ARHGEF3: variants seen among roughly 807,000 people sequenced by gnomAD.
The protein encoded by ARHGEF3 is Rho guanine nucleotide exchange factor 3, also known as 59.8 kDA protein.
ARHGEF3 carries 28 observed loss-of-function variants against 63.2 expected under a neutral mutation model. The observed-to-expected ratio is 0.44, with a 90% confidence interval of 0.33 to 0.61. The LOEUF is 0.61. ARHGEF3 is among the 20% of genes least tolerant of loss of function. The probability of loss-of-function intolerance (pLI) is 0.03; values close to 1 mark genes in which losing one functional copy is unlikely to be tolerated. For missense variants in ARHGEF3, 533 were observed against 659.3 expected (o/e 0.81, Z 2.10); for synonymous variants, 266 against 254.2 (o/e 1.05, Z -0.44).
intron 4 of ARHGEF3, among the ~76,000 whole-genome samples, chr3:56,845,166 A>G (rs2039445748): frequency 6.6e-6 from 1 of 152,158 alleles, no homozygotes; most frequent in African/African-American, 2.4e-5. Context: ...AAGTTTGGAA[A>G]CAGACCCTTC....
At chr3:56,973,238 C>T (rs1203713236) in intron 2 of ARHGEF3, among the ~76,000 whole-genome samples, 2 of 152,030 alleles carry the variant, frequency 1.3e-5, no homozygotes, top group Non-Finnish European at 2.9e-5. Context: ...AGGCTGGTCT[C>T]GATCTCCTGA....
intron 3 of ARHGEF3, among the ~76,000 whole-genome samples, chr3:56,890,109 G>C (rs72870528): frequency 0.029 from 4,358 of 152,180 alleles, 220 homozygotes; most frequent in African/African-American, 0.098. Flanking sequence ...AATCATATGT[G>C]TTTTAAAACA....
intron 2 of ARHGEF3, among the ~76,000 whole-genome samples, chr3:57,004,252 CAGTCTGG>C (rs1489405127): frequency 2.0e-5 from 3 of 152,208 alleles, no homozygotes; most frequent in African/African-American, 7.2e-5. Context: ...GAGATAATGA[CAGTCTGG>C]AGCCACTTAT....
chr3:57,014,240 C>G (rs1309171980), intron 2 of ARHGEF3, among the ~76,000 whole-genome samples: 1 of 152,162 alleles, frequency 6.6e-6, no homozygotes, highest in African/African-American at 2.4e-5. Context: ...GGAACAAACT[C>G]CGGACACACC....
chr3:56,756,104 G>A (rs958308096), intron 2 of ARHGEF3, among the ~76,000 whole-genome samples: 3 of 152,186 alleles, frequency 2.0e-5, no homozygotes, highest in Non-Finnish European at 2.9e-5. Context: ...CAAAGAGGCC[G>A]CAGAAGTCCA....
intron 1 of ARHGEF3, among the ~76,000 whole-genome samples, chr3:57,070,376 CA>C (rs542378791): frequency 2.7e-4 from 41 of 152,234 alleles, no homozygotes; most frequent in Non-Finnish European, 5.1e-4. Context: ...TTACTTTCTT[CA>C]AAAAGGAAAG....
At chr3:57,013,244 G>A (rs1428839618) in intron 2 of ARHGEF3, among the ~76,000 whole-genome samples, 1 of 152,220 alleles carries the variant, frequency 6.6e-6, no homozygotes, top group Non-Finnish European at 1.5e-5. Flanking sequence ...AAGGGCTGAG[G>A]AGTACAGGCA....
At chr3:57,071,894 A>G (rs942511339) in intron 1 of ARHGEF3, among the ~76,000 whole-genome samples, 5 of 152,234 alleles carry the variant, frequency 3.3e-5, no homozygotes, top group Non-Finnish European at 5.9e-5. Flanking sequence ...TGAACTCAGA[A>G]TATATAAAGA....
At chr3:56,870,725 G>C (rs562950399) in intron 4 of ARHGEF3, among the ~76,000 whole-genome samples, 1 of 152,024 alleles carries the variant, frequency 6.6e-6, no homozygotes, top group Non-Finnish European at 1.5e-5. Context: ...ATCGACTTGG[G>C]GGCATATGGG....
At chr3:56,921,300 C>G (rs938149912) in intron 3 of ARHGEF3, among the ~76,000 whole-genome samples, 6 of 150,056 alleles carry the variant, frequency 4.0e-5, no homozygotes, top group African/African-American at 1.2e-4. Flanking sequence ...TGCACACTGG[C>G]TTACCCAAGG....
At chr3:57,059,888 C>G (rs1011342693) in intron 1 of ARHGEF3, among the ~76,000 whole-genome samples, 1 of 152,022 alleles carries the variant, frequency 6.6e-6, no homozygotes, top group Non-Finnish European at 1.5e-5. Context: ...CCCAGCTACT[C>G]GGGAGGCTGA....
At chr3:56,768,667 CAA>C (rs770390697) in intron 2 of ARHGEF3, among the ~76,000 whole-genome samples, 16 of 44,024 alleles carry the variant, frequency 3.6e-4, no homozygotes, top group Admixed American at 6.2e-4. Flanking sequence ...AAGCAAAATG[CAA>C]AAAAAAAAAA....
chr3:56,829,945 G>T (rs907570412), intron 4 of ARHGEF3, among the ~76,000 whole-genome samples: 2 of 152,172 alleles, frequency 1.3e-5, no homozygotes, highest in Admixed American at 1.3e-4. Context: ...AATAGCAACA[G>T]ACAGTTTAGG....
intron 2 of ARHGEF3, among the ~76,000 whole-genome samples, chr3:57,023,148 C>T (rs981874976): frequency 1.3e-5 from 2 of 152,184 alleles, no homozygotes; most frequent in African/African-American, 4.8e-5. Flanking sequence ...TCCATCAGGG[C>T]AGGGACCACC....
intron 4 of ARHGEF3, among the ~76,000 whole-genome samples, chr3:56,875,155 T>A (rs1049440080): frequency 6.6e-6 from 1 of 152,148 alleles, no homozygotes; most frequent in Non-Finnish European, 1.5e-5. Context: ...AGGGGTAATA[T>A]GAGGATTAAA....
chr3:57,050,790 T>C (rs4681947), intron 1 of ARHGEF3, among the ~76,000 whole-genome samples: 38,091 of 152,160 alleles, frequency 0.25, 5,743 homozygotes, highest in East Asian at 0.63. Context: ...ACATACAGTA[T>C]TGATGGAACT....
chr3:56,919,806 A>T (rs899560085), intron 3 of ARHGEF3, among the ~76,000 whole-genome samples: 1 of 152,172 alleles, frequency 6.6e-6, no homozygotes, highest in Admixed American at 6.5e-5. Context: ...TTGCAGATTT[A>T]AAAAAACTGA....
At chr3:56,900,863 G>C (rs1393264063) in intron 3 of ARHGEF3, among the ~76,000 whole-genome samples, 1 of 152,134 alleles carries the variant, frequency 6.6e-6, no homozygotes, top group Non-Finnish European at 1.5e-5. Flanking sequence ...TAAGGCCATT[G>C]AACTAGCTTT....
chr3:56,982,568 G>A (rs550950572), intron 2 of ARHGEF3, among the ~76,000 whole-genome samples: 2 of 152,184 alleles, frequency 1.3e-5, no homozygotes, highest in East Asian at 3.9e-4. Flanking sequence ...CCTACCCTAT[G>A]TCTTACTTAC....
Sources: gnomAD v4.1 joint callset for allele counts (sites outside exome capture counted in the v4.1 genomes callset) on GRCh38, gnomAD v4.1.1 for gene constraint, MANE v1.5 for transcripts, NCBI Gene and HGNC (gene_info 2026-07-23, HGNC 2026-07-21) for gene names.